Variants in FGD6 observed in about 807,000 individuals in gnomAD.
FGD6 encodes the protein FYVE, RhoGEF and PH domain-containing protein 6.
Under a neutral mutation model 149.4 loss-of-function variants are expected in FGD6, and 90 were observed. That is an observed-to-expected ratio of 0.60 (90% CI 0.51 to 0.72). FGD6 has a LOEUF of 0.72. FGD6 is among the 30% of genes least tolerant of loss of function. The probability of loss-of-function intolerance (pLI) is 0.00; values close to 1 mark genes in which losing one functional copy is unlikely to be tolerated. For missense variants in FGD6, 1,437 were observed against 1,684.8 expected (o/e 0.85, Z 2.57); for synonymous variants, 527 against 584.0 (o/e 0.90, Z 1.41).
chr12:95,130,416 C>T (rs1046139199), intron 8 of FGD6, among the ~76,000 whole-genome samples: 1 of 152,134 alleles, frequency 6.6e-6, no homozygotes, highest in Non-Finnish European at 1.5e-5. Flanking sequence ...AAGTACCACT[C>T]CTGCCTGCTC....
At chr12:95,192,906 A>G (rs962748062) in intron 2 of FGD6, among the ~76,000 whole-genome samples, 4 of 151,850 alleles carry the variant, frequency 2.6e-5, no homozygotes, top group Admixed American at 2.6e-4. Flanking sequence ...ATGGGCAATA[A>G]GATGATCAGA....
At chr12:95,094,079 A>C (rs1057298106) in intron 15 of FGD6, among the ~76,000 whole-genome samples, 1 of 151,724 alleles carries the variant, frequency 6.6e-6, no homozygotes, top group Non-Finnish European at 1.5e-5. Context: ...GAACCACTTG[A>C]ACCCAGGAGG....
chr12:95,197,084 A>G (rs562321991), intron 2 of FGD6, among the ~76,000 whole-genome samples: 2 of 152,242 alleles, frequency 1.3e-5, no homozygotes, highest in South Asian at 4.1e-4. Context: ...AACTTCTCTC[A>G]ACTTATAGCC....
rs193025952 is a variant in FGD6 at position 95,124,364 on chromosome 12, A to C, written c.3082+10375T>G. ...GTCTGTACCACCCTGAGTATCAACAAAGCAAACTTACGTTTAGGGACATAA... is the reference window on the plus strand; with the variant it reads ...GTCTGTACCACCCTGAGTATCAACACAGCAAACTTACGTTTAGGGACATAA... On this transcript the variant is annotated intron_variant, in intron 8 of 20. Coordinates refer to ENST00000343958, the MANE Select transcript of FGD6 (RefSeq NM_018351.4). Among the ~76,000 whole-genome samples, 204 of 152,334 alleles carry C rather than the reference A, an allele frequency of 1.3e-3. 2 individuals carry two copies. Among genetic ancestry groups the C allele is most frequent in the African/African-American group, 4.7e-3 (196 of 41,584 alleles).
chr12:95,151,791 TAAGTA>T (rs1403427027), intron 5 of FGD6, among the ~76,000 whole-genome samples: 1 of 152,222 alleles, frequency 6.6e-6, no homozygotes, highest in Non-Finnish European at 1.5e-5. Context: ...TTACACCACA[TAAGTA>T]AACTGTCACT....
chr12:95,183,839 AC>A (rs1484029793), intron 2 of FGD6, among the ~76,000 whole-genome samples: 2 of 152,208 alleles, frequency 1.3e-5, no homozygotes, highest in Non-Finnish European at 2.9e-5. Flanking sequence ...CCTGTCTCAA[AC>A]AACAAAAACA....
Position 95,213,225 on chromosome 12 carries a change from A to C in FGD6, c.17-1958T>G, listed in dbSNP as rs1444220350. On this transcript the variant is annotated intron_variant, in intron 1 of 20. Transcript: ENST00000343958. ...TCAGTACGACTGTCAAGTTGATTTT[A>C]TTTCTGTAACCATTATCAAAACATC... 4.6e-5 allele frequency among the ~76,000 whole-genome samples: 7 copies of C among 152,140 alleles called. No homozygotes were observed. In the East Asian group the frequency reaches 1.3e-3, roughly 29 times the overall value.
chr12:95,167,547 C>G (rs1880856561), intron 3 of FGD6, among the ~76,000 whole-genome samples: 1 of 149,826 alleles, frequency 6.7e-6, no homozygotes, highest in African/African-American at 2.4e-5. Context: ...GATTCTTAAG[C>G]CTGGGTGATT....
intron 8 of FGD6, among the ~76,000 whole-genome samples, chr12:95,131,975 G>A (rs1056620705): frequency 2.0e-5 from 3 of 152,076 alleles, no homozygotes; most frequent in African/African-American, 7.2e-5. Context: ...GGTAGGCGGA[G>A]GTTGCAGTGA....
chr12:95,200,899 A>C (rs1372750747), intron 2 of FGD6, among the ~76,000 whole-genome samples: 1 of 152,182 alleles, frequency 6.6e-6, no homozygotes, highest in Non-Finnish European at 1.5e-5. Context: ...CATTAAAAAA[A>C]GGCCAGTACT....
At chr12:95,159,882 C>T (rs1167374080) in intron 3 of FGD6, among the ~76,000 whole-genome samples, 1 of 152,016 alleles carries the variant, frequency 6.6e-6, no homozygotes, top group Non-Finnish European at 1.5e-5. Flanking sequence ...TGGCACACAC[C>T]TGTAGTCCCA....
At position 95,076,924 on chromosome 12, in the gene FGD6, G is replaced by C. The variant is rs1408883300; in HGVS notation, c.*4596C>G. 6.6e-6 allele frequency: 1 copy of C among 151,404 alleles called. No homozygotes were observed. Among genetic ancestry groups the C allele is most frequent in the Non-Finnish European group, 1.5e-5 (1 of 67,944 alleles). The allele number at this position is 151,404 out of a possible 1,614,324, so 9.4% of individuals were successfully genotyped here. On this transcript the variant is annotated 3_prime_UTR_variant, in exon 21 of 21. Transcript: ENST00000343958. ...AAAAAAAAACGATATTTCAAGATTG[G>C]TTCTTACATGCTATGACCAACTCAT...
intron 2 of FGD6, among the ~76,000 whole-genome samples, chr12:95,190,154 G>A (rs1478897516): frequency 3.3e-5 from 5 of 152,118 alleles, no homozygotes; most frequent in Non-Finnish European, 7.4e-5. Context: ...TTGTACAGTA[G>A]GAATAAAAAG....
chr12:95,182,418 G>A lies in FGD6; in HGVS notation c.2442-9674C>T, dbSNP rs1028492677. ...GTTTCACTATGCTGGCCAGGCTGGT[G>A]TCGGACTCCTGACCTCAGGTGATCC... On this transcript the variant is annotated intron_variant, in intron 2 of 20. Coordinates refer to ENST00000343958, the MANE Select transcript of FGD6 (RefSeq NM_018351.4). Among the ~76,000 whole-genome samples the A allele has an allele frequency of 2.0e-5, 3 of 152,154 alleles. No individual in the cohort carries two copies. In the South Asian group the frequency reaches 6.2e-4, roughly 32 times the overall value.
intron 14 of FGD6, among the ~76,000 whole-genome samples, chr12:95,099,057 A>AT (rs2136236929): frequency 6.6e-6 from 1 of 152,220 alleles, no homozygotes; most frequent in African/African-American, 2.4e-5. Context: ...TTAATGTAAA[A>AT]TATTAAACGG....
chr12:95,100,819 GAT>G (rs1878402424), intron 14 of FGD6: 2 of 416,518 alleles, frequency 4.8e-6, no homozygotes, highest in Non-Finnish European at 9.3e-6. Context: ...TGATGGTAAG[GAT>G]CAGGACCTTG....
In FGD6 at chr12:95,113,657, T is replaced by A. The variant is rs778602078; in HGVS notation, c.3127A>T (p.Thr1043Ser). The change falls in exon 9 of 21, where the codon ACT (threonine) becomes TCT (serine). Residue 1043 changes from threonine to serine, a missense_variant. Around this residue, in one of 2 missense-constraint regions of FGD6, gnomAD observed 382 missense variants for 538.7 expected, o/e 0.71. Coordinates refer to ENST00000343958, the MANE Select transcript of FGD6 (RefSeq NM_018351.4). ...AACCACAGAAGTTATTTACCTTGAG[T>A]GTCTCTGTAATCTCCAGCATCTTCT... is the stretch of plus-strand genomic sequence containing the variant. Reference protein sequence around the residue: ...LIEDAGDYRDTQDALAVVIEV... With the variant: ...LIEDAGDYRDSQDALAVVIEV... 107 of 1,593,548 alleles carry A rather than the reference T, an allele frequency of 6.7e-5. No individual in the cohort carries two copies. The highest frequency in any genetic ancestry group is 8.2e-5 in the Non-Finnish European group (96 of 1,172,352).
At chr12:95,167,730 A>G (rs1363214865) in intron 3 of FGD6, among the ~76,000 whole-genome samples, 9 of 151,864 alleles carry the variant, frequency 5.9e-5, no homozygotes, top group Admixed American at 2.0e-4. Flanking sequence ...ATGCACCAAC[A>G]CACAGGGCTA....
intron 3 of FGD6, among the ~76,000 whole-genome samples, chr12:95,154,998 T>G (rs1049635564): frequency 3.3e-5 from 5 of 152,116 alleles, no homozygotes; most frequent in African/African-American, 1.2e-4. Context: ...TTTTTTCGAC[T>G]GCTTCCAGAA....
Sources: allele counts gnomAD v4.1 joint callset (sites outside exome capture counted in the v4.1 genomes callset), GRCh38; gene constraint gnomAD v4.1.1; regional missense constraint gnomAD v4.1.1; transcripts MANE v1.5; gene names NCBI Gene and HGNC (gene_info 2026-07-23, HGNC 2026-07-21).